RBFOX3: variants seen among roughly 807,000 people sequenced by gnomAD.
The protein encoded by RBFOX3 is RNA binding protein fox-1 homolog 3.
RBFOX3 carries 17 observed loss-of-function variants against 48.7 expected under a neutral mutation model. The ratio of observed to expected loss-of-function variants is 0.35; its 90% CI spans 0.24 to 0.52. RBFOX3 has a LOEUF of 0.52. Among genes scored for constraint, RBFOX3 ranks in the 20% least tolerant of loss-of-function variants. RBFOX3 has a pLI of 0.94. For missense variants in RBFOX3, 382 were observed against 497.5 expected (o/e 0.77, Z 2.21); for synonymous variants, 212 against 209.5 (o/e 1.01, Z -0.10).
At chr17:79,629,974 A>G in the RBFOX3 span, among the ~76,000 whole-genome samples, 1 of 152,230 alleles carries the variant, frequency 6.6e-6, no homozygotes, top group Non-Finnish European at 1.5e-5. Flanking sequence ...GTGTAAGTGG[A>G]CGACGGGCTA....
At chr17:79,625,559 GT>G in the RBFOX3 span, among the ~76,000 whole-genome samples, 4 of 152,314 alleles carry the variant, frequency 2.6e-5, no homozygotes, top group East Asian at 7.7e-4. Context: ...GGGAGGCTGA[GT>G]GGGGGCGGAT....
intron 4 of RBFOX3, among the ~76,000 whole-genome samples, chr17:79,123,373 A>C (rs540552745): frequency 6.6e-6 from 1 of 152,148 alleles, no homozygotes; most frequent in Admixed American, 6.5e-5. Flanking sequence ...AGTAAGAAAA[A>C]CGAAAACCCT....
chr17:79,105,216 TGAAAA>T (rs1230627558), intron 6 of RBFOX3, among the ~76,000 whole-genome samples: 1 of 152,118 alleles, frequency 6.6e-6, no homozygotes, highest in Non-Finnish European at 1.5e-5. Flanking sequence ...TGCCAGGTGC[TGAAAA>T]GAGGGGGACA....
At chr17:79,660,541 A>G in the RBFOX3 span, among the ~76,000 whole-genome samples, 1 of 152,278 alleles carries the variant, frequency 6.6e-6, no homozygotes, top group African/African-American at 2.4e-5. Context: ...AGCATATGAA[A>G]AAAAGCTCAA....
rs1401747657 is a variant in RBFOX3, at chr17:79,097,735, T to C, written c.579A>G (p.Leu193=). ...TGNPYTNGWK[L]NPVVGAVYGP... ...CGTAGACTGCGCCGACCACTGGATT[T>C]AGCTTCCAGCCTAAAACAAAGGCAC... The change falls in exon 10 of 15, where the codon CTA becomes CTG. Residue 193 remains leucine (L), a synonymous_variant. Coordinates refer to ENST00000693108, the MANE Select transcript of RBFOX3 (RefSeq NM_001350451.2). The C allele has an allele frequency of 6.4e-7, 1 of 1,551,162 alleles. No individual in the cohort carries two copies. Among genetic ancestry groups the C allele is most frequent in the East Asian group, 2.4e-5 (1 of 40,886 alleles).
At chr17:79,402,487 G>T (rs1246316964) in intron 2 of RBFOX3, among the ~76,000 whole-genome samples, 1 of 152,184 alleles carries the variant, frequency 6.6e-6, no homozygotes, top group African/African-American at 2.4e-5. Flanking sequence ...TGTGCTAACG[G>T]GGATTAACGA....
intron 1 of RBFOX3, among the ~76,000 whole-genome samples, chr17:79,586,494 G>A (rs1485401064): frequency 1.7e-4 from 26 of 152,320 alleles, no homozygotes; most frequent in Admixed American, 1.1e-3. Flanking sequence ...GTTTTGGGGC[G>A]TGTTTGTGAT....
At chr17:79,494,981 C>T (rs2081227067) in intron 1 of RBFOX3, among the ~76,000 whole-genome samples, 1 of 152,152 alleles carries the variant, frequency 6.6e-6, no homozygotes, top group East Asian at 1.9e-4. Flanking sequence ...AAGTCTGCCC[C>T]ATCTTTGGGG....
intron 2 of RBFOX3, among the ~76,000 whole-genome samples, chr17:79,359,602 G>A (rs1296532483): frequency 1.3e-5 from 2 of 152,100 alleles, no homozygotes; most frequent in African/African-American, 4.8e-5. Context: ...GAAGAGAAGA[G>A]AAAATCACCC....
chr17:79,536,815 G>A (rs1052265502), intron 1 of RBFOX3, among the ~76,000 whole-genome samples: 26 of 152,206 alleles, frequency 1.7e-4, no homozygotes, highest in African/African-American at 6.0e-4. Flanking sequence ...GGCCGGGTGC[G>A]GAGGCTAACA....
At chr17:79,376,678 C>A (rs949854174) in intron 2 of RBFOX3, among the ~76,000 whole-genome samples, 2 of 152,152 alleles carry the variant, frequency 1.3e-5, no homozygotes, top group Non-Finnish European at 2.9e-5. Context: ...CGCACGGGGG[C>A]TGGAGGAAGA....
the RBFOX3 span, among the ~76,000 whole-genome samples, chr17:79,656,699 AG>A: frequency 0.71 from 82,607 of 116,960 alleles, 31,510 homozygotes; most frequent in Non-Finnish European, 0.83. Context: ...GAAGGAAGGA[AG>A]GAAGGAAGGA....
At chr17:79,366,259 C>A (rs569482784) in intron 2 of RBFOX3, among the ~76,000 whole-genome samples, 146 of 152,356 alleles carry the variant, frequency 9.6e-4, no homozygotes, top group Non-Finnish European at 1.5e-3. Context: ...TCAGGCATCT[C>A]GGGCACCATC....
rs146107986 is a variant in RBFOX3, at chr17:79,543,576, C to A, written c.-319-60978G>T. Among the ~76,000 whole-genome samples, 5 of 152,308 alleles carry A rather than the reference C, an allele frequency of 3.3e-5. No homozygotes were observed. In the East Asian group the frequency reaches 9.7e-4, roughly 29 times the overall value. On this transcript the variant is annotated intron_variant, in intron 1 of 14. Coordinates refer to ENST00000693108, the MANE Select transcript of RBFOX3 (RefSeq NM_001350451.2). ...CCTTCCTGCCAACTTCACACTCCCC[C>A]CTTCATCAGCTCCTCCTTGATCAGG...
At chr17:79,328,162 T>C (rs1474682228) in intron 2 of RBFOX3, among the ~76,000 whole-genome samples, 1 of 152,184 alleles carries the variant, frequency 6.6e-6, no homozygotes, top group Non-Finnish European at 1.5e-5. Context: ...CGGGCAGGAC[T>C]CATGGCATAC....
At chr17:79,118,889 A>G (rs62063841) in intron 4 of RBFOX3, among the ~76,000 whole-genome samples, 10,913 of 151,336 alleles carry the variant, frequency 0.072, 642 homozygotes, top group African/African-American at 0.17. Context: ...AGGCAGGATC[A>G]TCACTTGAGC....
intron 4 of RBFOX3, among the ~76,000 whole-genome samples, chr17:79,157,559 C>T (rs1034938835): frequency 6.6e-6 from 1 of 152,188 alleles, no homozygotes; most frequent in Non-Finnish European, 1.5e-5. Flanking sequence ...AGTATGAGGA[C>T]CCGGGGGTGA....
the RBFOX3 span, among the ~76,000 whole-genome samples, chr17:79,648,478 G>A: frequency 2.0e-5 from 3 of 152,344 alleles, no homozygotes; most frequent in African/African-American, 4.8e-5. Flanking sequence ...GGGGACAGGC[G>A]TGGCCCCATT....
Position 79,212,630 on chromosome 17 carries a change from G to A in RBFOX3, c.-34+23136C>T, listed in dbSNP as rs2058529943. ...CCTGGTTCTTCCCCAGCCCTGGAGG[G>A]CCTCCCCGTAATTGCAGGCCTTACT... On this transcript the variant is annotated intron_variant, in intron 4 of 14. Transcript: ENST00000693108. The surrounding 1 kb of genome is among the most constrained non-coding windows in gnomAD (Gnocchi z 4.7). Among the ~76,000 whole-genome samples the A allele has an allele frequency of 6.6e-6, 1 of 152,186 alleles. No individual in the cohort carries two copies. The highest frequency in any genetic ancestry group is 2.4e-5 in the African/African-American group (1 of 41,454).
Sources: allele counts gnomAD v4.1 joint callset (sites outside exome capture counted in the v4.1 genomes callset), GRCh38; gene constraint gnomAD v4.1.1; non-coding constraint Gnocchi (gnomAD v3.1); transcripts MANE v1.5; gene names NCBI Gene and HGNC (gene_info 2026-07-23, HGNC 2026-07-21).